LHFPL3: variants seen among roughly 807,000 people sequenced by gnomAD.
The protein encoded by LHFPL3 is LHFPL tetraspan subfamily member 3.
Under a neutral mutation model 19.3 loss-of-function variants are expected in LHFPL3, and 5 were observed. The ratio of observed to expected loss-of-function variants is 0.26; its 90% CI spans 0.14 to 0.54. The LOEUF (loss-of-function observed/expected upper bound fraction) is 0.54. LHFPL3 is among the 20% of genes least tolerant of loss of function. LHFPL3 has a pLI of 0.94. For synonymous variants in LHFPL3, 133 were observed against 126.2 expected, an observed-to-expected ratio of 1.05 and a Z score of -0.36; for missense variants, 249 against 307.4, an observed-to-expected ratio of 0.81 and a Z score of 1.42.
intron 1 of LHFPL3, among the ~76,000 whole-genome samples, chr7:104,417,878 CTTCTTCTTT>C (rs1562891001): frequency 1.6e-5 from 2 of 121,988 alleles, no homozygotes; most frequent in African/African-American, 6.9e-5. Context: ...TCTTCTTCTT[CTTCTTCTTT>C]TTTTTTTTTT....
At chr7:104,877,593 T>C (rs1267845823) in intron 2 of LHFPL3, among the ~76,000 whole-genome samples, 1 of 152,172 alleles carries the variant, frequency 6.6e-6, no homozygotes, top group Admixed American at 6.5e-5. Context: ...TCCACTAGGA[T>C]GGCTATGATC....
rs921440503 is a variant in LHFPL3 at position 104,660,304 on chromosome 7, T to G, written c.446-76371T>G. On this transcript the variant is annotated intron_variant, in intron 1 of 2. Transcript: ENST00000424859. ...GCGTGAGCCACCACGCCCAGTCAACTCTTTTTGTTTAATTGAAACTGTGAT... is the reference window on the plus strand; with the variant it reads ...GCGTGAGCCACCACGCCCAGTCAACGCTTTTTGTTTAATTGAAACTGTGAT... Among the ~76,000 whole-genome samples the G allele has an allele frequency of 6.6e-5, 10 of 152,206 alleles. No individual in the cohort carries two copies. In the East Asian group the frequency reaches 1.9e-3, roughly 29 times the overall value.
At chr7:104,617,999 T>G (rs754528128) in intron 1 of LHFPL3, among the ~76,000 whole-genome samples, 1 of 152,168 alleles carries the variant, frequency 6.6e-6, no homozygotes, top group African/African-American at 2.4e-5. Context: ...ACTAGTTGAG[T>G]GTGCAGCCTC....
chr7:104,378,736 TTA>T (rs1471597782), intron 1 of LHFPL3, among the ~76,000 whole-genome samples: 2 of 152,222 alleles, frequency 1.3e-5, no homozygotes, highest in African/African-American at 2.4e-5. Context: ...TGCATTTGTC[TTA>T]TGACTAGTGA....
At chr7:104,431,930 G>T (rs1376522058) in intron 1 of LHFPL3, among the ~76,000 whole-genome samples, 1 of 152,122 alleles carries the variant, frequency 6.6e-6, no homozygotes, top group Non-Finnish European at 1.5e-5. Context: ...GGAGGTAGAG[G>T]AATAAATGTC....
At chr7:104,701,944 T>C (rs887626027) in intron 1 of LHFPL3, among the ~76,000 whole-genome samples, 7 of 152,168 alleles carry the variant, frequency 4.6e-5, no homozygotes, top group African/African-American at 1.4e-4. Flanking sequence ...ACATGTGCCA[T>C]GGTGGTTTGC....
intron 2 of LHFPL3, among the ~76,000 whole-genome samples, chr7:104,841,494 G>GTGTGTGTGTA (rs869190883): frequency 6.8e-6 from 1 of 147,326 alleles, no homozygotes; most frequent in Non-Finnish European, 1.5e-5. Flanking sequence ...ATTATGTGGG[G>GTGTGTGTGTA]TGTGTGTGTG....
chr7:104,703,381 T>G (rs889292782), intron 1 of LHFPL3, among the ~76,000 whole-genome samples: 5 of 152,248 alleles, frequency 3.3e-5, no homozygotes, highest in African/African-American at 1.2e-4. Context: ...TCTTCCACTG[T>G]GTTTTTAGCA....
chr7:104,462,246 C>G (rs1362326595), intron 1 of LHFPL3, among the ~76,000 whole-genome samples: 2 of 152,082 alleles, frequency 1.3e-5, no homozygotes, highest in East Asian at 3.8e-4. Context: ...TTTTTCTTGC[C>G]TGATTGCTCT....
chr7:104,798,256 T>C (rs183171978), intron 2 of LHFPL3: 1 of 152,304 alleles, frequency 6.6e-6, no homozygotes, highest in East Asian at 1.9e-4. Flanking sequence ...GCCTGGCATA[T>C]AAGAAATAAA....
intron 2 of LHFPL3, among the ~76,000 whole-genome samples, chr7:104,830,976 C>A (rs59449150): frequency 0.19 from 29,093 of 151,716 alleles, 3,127 homozygotes; most frequent in East Asian, 0.31. Context: ...GTTAATAACA[C>A]CCCCTTTCAC....
At chr7:104,533,667 T>C (rs1003294148) in intron 1 of LHFPL3, among the ~76,000 whole-genome samples, 2 of 152,226 alleles carry the variant, frequency 1.3e-5, no homozygotes, top group African/African-American at 4.8e-5. Context: ...CTACACAAGG[T>C]AGTTGCTACA....
intron 1 of LHFPL3, among the ~76,000 whole-genome samples, chr7:104,389,529 A>G (rs1584286074): frequency 6.6e-6 from 1 of 152,154 alleles, no homozygotes; most frequent in African/African-American, 2.4e-5. Context: ...TAAAATTTCT[A>G]TAAAAGTATA....
chr7:104,565,600 A>G (rs565435342), intron 1 of LHFPL3, among the ~76,000 whole-genome samples: 2 of 152,342 alleles, frequency 1.3e-5, no homozygotes, highest in South Asian at 4.1e-4. Context: ...AATACAGATT[A>G]CTTATGGCCT....
chr7:104,495,665 G>C (rs1036751279), intron 1 of LHFPL3, among the ~76,000 whole-genome samples: 4 of 152,164 alleles, frequency 2.6e-5, no homozygotes, highest in African/African-American at 4.8e-5. Context: ...TTACAGGCTT[G>C]AGCTAACGCG....
chr7:104,372,651 G>A (rs1790637306), intron 1 of LHFPL3, among the ~76,000 whole-genome samples: 1 of 152,060 alleles, frequency 6.6e-6, no homozygotes, highest in African/African-American at 2.4e-5. Context: ...AGAATCTCAG[G>A]GTCTTCATTT....
chr7:104,576,571 T>C (rs1424224323), intron 1 of LHFPL3, among the ~76,000 whole-genome samples: 1 of 152,190 alleles, frequency 6.6e-6, no homozygotes, highest in South Asian at 2.1e-4. Flanking sequence ...CTTAGTACCA[T>C]AGTGAACATA....
At chr7:104,446,254 A>G (rs753967576) in intron 1 of LHFPL3, among the ~76,000 whole-genome samples, 10 of 152,200 alleles carry the variant, frequency 6.6e-5, no homozygotes, top group Non-Finnish European at 1.5e-4. Flanking sequence ...GGTCTCTTAT[A>G]GGAGGAAGGG....
chr7:104,785,348 C>T (rs1182384568), intron 2 of LHFPL3: 1 of 152,224 alleles, frequency 6.6e-6, no homozygotes, highest in Non-Finnish European at 1.5e-5. Context: ...GTTCACTGCT[C>T]TACTTCCGGT....
Sources: allele counts gnomAD v4.1 joint callset (sites outside exome capture counted in the v4.1 genomes callset), GRCh38; gene constraint gnomAD v4.1.1; transcripts MANE v1.5; gene names NCBI Gene and HGNC (gene_info 2026-07-23, HGNC 2026-07-21).